LHB: variants seen among roughly 807,000 people sequenced by gnomAD.
LHB encodes luteinizing hormone subunit beta, also known as lutropin subunit beta.
A neutral mutation model predicts 10.6 loss-of-function variants in LHB; 11 were observed. The observed-to-expected ratio is 1.04, with a 90% CI of 0.66 to 1.72. The LOEUF is 1.72. LHB is among the 40% of genes most tolerant of loss of function. LHB has a pLI of 0.00. For missense variants in LHB, 184 were observed against 197.3 expected (o/e 0.93, Z 0.41); for synonymous variants, 86 against 83.1 (o/e 1.03, Z -0.19).
chr19:49,018,491 G>A (rs1384014074), upstream of LHB, among the ~76,000 whole-genome samples: 2 of 152,116 alleles, frequency 1.3e-5, no homozygotes, highest in Non-Finnish European at 2.9e-5. Context: ...CGTTGCCTGC[G>A]TTCCTGGGTC....
upstream of LHB, chr19:49,019,029 C>T: frequency 6.6e-7 from 1 of 1,519,586 alleles, no homozygotes; most frequent in Middle Eastern, 2.3e-4. Flanking sequence ...GGAGGCATAC[C>T]CAAGACATAG....
chr19:49,016,535 C>T lies in LHB; in HGVS notation c.183+12G>A, dbSNP rs771340896. 9.4e-6 allele frequency: 15 copies of T among 1,601,282 alleles called. No individual in the cohort carries two copies. The highest frequency in any genetic ancestry group is 1.7e-5 in the Admixed American group (1 of 59,408). On this transcript the variant is annotated intron_variant, in intron 2 of 2. Coordinates refer to ENST00000649238, the MANE Select transcript of LHB (RefSeq NM_000894.3). ...AGGTGGCAGCATCTGCCCCTGGCCC[C>T]AGGCAGCTCACCATGGTGGGGCAGT...
At chr19:49,018,698 C>A (rs1477272865), upstream of LHB, among the ~76,000 whole-genome samples, 4 of 151,602 alleles carry the variant, frequency 2.6e-5, no homozygotes, top group Non-Finnish European at 5.9e-5. Context: ...CTAAGGACTC[C>A]TGGGTGCTTA....
intron 2 of LHB, 88 bp from the exon 3 acceptor site, chr19:49,016,398 T>C (rs2039553825): frequency 1.2e-6 from 2 of 1,600,166 alleles, no homozygotes; most frequent in Non-Finnish European, 1.7e-6. Context: ...GGTCCTGGAC[T>C]CAGGAGCCCA....
chr19:49,019,214 C>A, upstream of LHB: 1 of 1,385,768 alleles, frequency 7.2e-7, no homozygotes, highest in South Asian at 1.7e-5. Flanking sequence ...CCAGCCTCAC[C>A]TCCCTAAATC....
At chr19:49,017,169 G>T, upstream of LHB, 1 of 1,596,612 alleles carries the variant, frequency 6.3e-7, no homozygotes. Flanking sequence ...TAGGATGCTG[G>T]GGTAACCTGG....
At chr19:49,017,712 T>A (rs1409511427), upstream of LHB, 1 of 494,154 alleles carries the variant, frequency 2.0e-6, no homozygotes, top group Non-Finnish European at 3.1e-6. Context: ...ATTTAACTCA[T>A]TATTTAATAC....
chr19:49,018,699 T>C (rs1184185711), upstream of LHB, among the ~76,000 whole-genome samples: 1 of 151,302 alleles, frequency 6.6e-6, no homozygotes, highest in African/African-American at 2.4e-5. Context: ...TAAGGACTCC[T>C]GGGTGCTTAA....
upstream of LHB, chr19:49,017,872 C>G (rs1341367100): frequency 4.0e-5 from 16 of 397,948 alleles, no homozygotes; most frequent in Non-Finnish European, 6.6e-5. Context: ...GCGACTCAGG[C>G]TGGGTCCGGA....
At chr19:49,017,483 C>T (rs1177168557), upstream of LHB, 4 of 1,150,652 alleles carry the variant, frequency 3.5e-6, no homozygotes, top group African/African-American at 1.6e-5. Flanking sequence ...CTTTCCTGCA[C>T]CACAGTCCAA....
In LHB at chr19:49,016,154, G is replaced by T. The variant is rs528776938; in HGVS notation, c.340C>A (p.Arg114Ser). 1 of 1,612,752 alleles carries T rather than the reference G, an allele frequency of 6.2e-7. No individual in the cohort carries two copies. The highest frequency in any genetic ancestry group is 2.2e-5 in the East Asian group (1 of 44,878). ...CCCCCACAGTCAGAGGTGCTGCGGC[G>T]GCAGGGTCCACAGCGACAGCTGAGA... ...VALSCRCGPC[R>S]RSTSDCGGPK... The change falls in exon 3 of 3, where the codon CGC (arginine) becomes AGC (serine). Residue 114 changes from arginine to serine, a missense_variant. Arg to Ser is a moderately radical substitution (Grantham distance 110). Transcript: ENST00000649238.
chr19:49,017,275 C>A (rs1331646553), upstream of LHB, among the ~76,000 whole-genome samples: 2 of 152,122 alleles, frequency 1.3e-5, no homozygotes, highest in South Asian at 4.1e-4. Flanking sequence ...AGTGGTCTAG[C>A]GCCAGAGGTG....
At chr19:49,017,327 C>T (rs976863913), upstream of LHB, among the ~76,000 whole-genome samples, 4 of 152,052 alleles carry the variant, frequency 2.6e-5, no homozygotes, top group Non-Finnish European at 4.4e-5. Flanking sequence ...ACCCAGTTGT[C>T]GAGTGCTAGG....
chr19:49,018,986 C>T, upstream of LHB: 3 of 1,533,200 alleles, frequency 2.0e-6, no homozygotes, highest in East Asian at 7.3e-5. Flanking sequence ...GGTTCTTCGT[C>T]CAGGCAATTA....
At position 49,016,326 on chromosome 19, in the gene LHB, G is replaced by A. The variant is rs1407987957; in HGVS notation, c.184-16C>T. The A allele has an allele frequency of 1.9e-6, 3 of 1,609,418 alleles. No homozygotes were observed. The highest frequency in any genetic ancestry group is 2.2e-5 in the South Asian group (2 of 90,976). Reference sequence around the variant, plus strand: ...GCACGCGCATCTGGAGGCCGTGTGAGTGGGGGAATGAGCATGTGCCTGAGG... The same window carrying A: ...GCACGCGCATCTGGAGGCCGTGTGAATGGGGGAATGAGCATGTGCCTGAGG... On this transcript the variant is annotated splice_polypyrimidine_tract_variant and intron_variant, in intron 2 of 2. Transcript: ENST00000649238.
chr19:49,018,876 G>T (rs2039596745), upstream of LHB: 5 of 1,533,824 alleles, frequency 3.3e-6, no homozygotes, highest in South Asian at 6.0e-5. Context: ...GGCTTACTTG[G>T]GATAGAACCG....
In LHB at chr19:49,016,187, G is replaced by C. The variant is rs1361508541; in HGVS notation, c.307C>G (p.Pro103Ala). 6.2e-7 allele frequency: 1 copy of C among 1,612,686 alleles called. No homozygotes were observed. Among genetic ancestry groups the C allele is most frequent in the Non-Finnish European group, 8.5e-7 (1 of 1,179,968 alleles). Residue 103 changes from proline to alanine, a missense_variant, in exon 3 of 3, where the codon CCT (proline) becomes GCT (alanine). Pro to Ala is a conservative substitution (Grantham distance 27). Coordinates refer to ENST00000649238, the MANE Select transcript of LHB (RefSeq NM_000894.3). ...PRGVDPVVSF[P>A]VALSCRCGPC... ...CCACAGCGACAGCTGAGAGCCACAG[G>C]GAAGGAGACCACGGGGTCCACACCA...
upstream of LHB, chr19:49,018,238 C>T (rs1408182542): frequency 2.6e-6 from 2 of 783,618 alleles, no homozygotes; most frequent in Admixed American, 8.7e-5. Context: ...GGGAGGAGCG[C>T]GGACAGGGCG....
At position 49,017,055 on chromosome 19, in the gene LHB, C is replaced by T; in HGVS notation, c.15+12G>A. The T allele has an allele frequency of 6.2e-7, 1 of 1,613,780 alleles. No individual in the cohort carries two copies. The highest frequency in any genetic ancestry group is 8.5e-7 in the Non-Finnish European group (1 of 1,179,874). ...AGGAGGTGGAAGGTGCCCAGGGGCC[C>T]TGTAGTCTTACCTGGAGCATCTCCA... On this transcript the variant is annotated intron_variant, in intron 1 of 2. Coordinates refer to ENST00000649238, the MANE Select transcript of LHB (RefSeq NM_000894.3).
Sources: allele counts gnomAD v4.1 joint callset (sites outside exome capture counted in the v4.1 genomes callset), GRCh38; gene constraint gnomAD v4.1.1; transcripts MANE v1.5; gene names NCBI Gene and HGNC (gene_info 2026-07-23, HGNC 2026-07-21).